The following PIWIL4 variants were observed in gnomAD, a reference collection of about 807,000 sequenced individuals.
The protein encoded by PIWIL4 is piwi-like protein 4.
Under a neutral mutation model 100.9 loss-of-function variants are expected in PIWIL4, and 50 were observed. That is an observed-to-expected ratio of 0.50 (90% CI 0.39 to 0.63). The LOEUF (loss-of-function observed/expected upper bound fraction) is 0.63, where lower values mean the gene tolerates loss of function less well. Ranked by LOEUF, PIWIL4 falls within the 20% of genes least tolerant of loss-of-function variation. The pLI, the probability that PIWIL4 is intolerant of heterozygous loss-of-function variation, is 0.00. For missense variants in PIWIL4, 887 were observed against 1,043.3 expected (o/e 0.85, Z 2.06); for synonymous variants, 342 against 367.5 (o/e 0.93, Z 0.79).
At chr11:94,581,442 A>G (rs575570567) in intron 4 of PIWIL4, among the ~76,000 whole-genome samples, 3 of 152,314 alleles carry the variant, frequency 2.0e-5, no homozygotes, top group East Asian at 1.9e-4. Flanking sequence ...AGTGAGGGCC[A>G]TATTTTAGAA....
In PIWIL4 at chr11:94,574,991, T is replaced by C. The variant is rs1948218153; in HGVS notation, c.167-8T>C. 1 of 1,610,906 alleles carries C rather than the reference T, an allele frequency of 6.2e-7. No individual in the cohort carries two copies. The highest frequency in any genetic ancestry group is 8.5e-7 in the Non-Finnish European group (1 of 1,177,656). The stretch of plus-strand genomic sequence containing the variant: ...ATTAGCTGTTACCACATTCTCTTCA[T>C]GTTTTAGATAAATATGGGATATCTT... On this transcript the variant is annotated splice_region_variant and splice_polypyrimidine_tract_variant and intron_variant, in intron 2 of 19. Transcript: ENST00000299001.
At chr11:94,583,612 C>A in intron 5 of PIWIL4, 43 bp downstream of exon 5, 1 of 1,609,506 alleles carries the variant, frequency 6.2e-7, no homozygotes, top group Non-Finnish European at 8.5e-7. Context: ...CTAATGATAC[C>A]TTTCAGCATA....
At chr11:94,602,039 A>T (rs1029498211) in intron 12 of PIWIL4, 60 bp downstream of exon 12, 89 of 1,466,886 alleles carry the variant, frequency 6.1e-5, no homozygotes, top group Non-Finnish European at 7.7e-5. Context: ...GGTAGGGAAT[A>T]ATGGCAGATG....
At chr11:94,585,370 C>A in intron 5 of PIWIL4, 75 bp from the exon 6 acceptor site, 1 of 999,030 alleles carries the variant, frequency 1.0e-6, no homozygotes, top group South Asian at 1.5e-5. Context: ...ACATTATGTT[C>A]AGTAAGGGTT....
chr11:94,567,738 G>A, intron 1 of PIWIL4, 133 bp downstream of exon 1: 4 of 1,285,872 alleles, frequency 3.1e-6, no homozygotes, highest in Non-Finnish European at 4.0e-6. Flanking sequence ...TCAAGTTTGA[G>A]TCTTTCCAAG....
At chr11:94,580,162 T>A (rs138374814) in intron 4 of PIWIL4, among the ~76,000 whole-genome samples, 150 of 152,312 alleles carry the variant, frequency 9.8e-4, no homozygotes, top group African/African-American at 3.4e-3. Context: ...CAGGCCTGTT[T>A]ATTTTATTTC....
chr11:94,589,973 G>T (rs370902294), intron 8 of PIWIL4, among the ~76,000 whole-genome samples: 1 of 152,118 alleles, frequency 6.6e-6, no homozygotes, highest in Admixed American at 6.5e-5. Flanking sequence ...AGCTCTAGCC[G>T]CATTTGCAAC....
At chr11:94,603,931 A>G in intron 12 of PIWIL4, 53 bp from the exon 13 acceptor site, 1 of 1,087,566 alleles carries the variant, frequency 9.2e-7, no homozygotes, top group Non-Finnish European at 1.4e-6. Flanking sequence ...CCATATAAGT[A>G]TGTGCTACTA....
At position 94,595,327 on chromosome 11, in the gene PIWIL4, C is replaced by T. The variant is rs770065981; in HGVS notation, c.1169C>T (p.Thr390Ile). ...CFLTGLTDQA[T>I]SDFQLMKAVA... ...TTAATAGGGCTGACTGACCAGGCAA[C>T]ATCTGATTTCCAGCTGATGAAGGCT... is the stretch of plus-strand genomic sequence containing the variant. The change falls in exon 10 of 20, where the codon ACA (threonine) becomes ATA (isoleucine). Residue 390 changes from threonine (T) to isoleucine (I), a missense_variant. Coordinates refer to ENST00000299001, the MANE Select transcript of PIWIL4 (RefSeq NM_152431.3). 9 of 1,613,786 alleles carry T rather than the reference C, an allele frequency of 5.6e-6. No individual in the cohort carries two copies. In the African/African-American group the frequency reaches 6.7e-5, roughly 12 times the overall value.
At chr11:94,585,296 T>A in intron 5 of PIWIL4, 149 bp from the exon 6 acceptor site, 1 of 526,294 alleles carries the variant, frequency 1.9e-6, no homozygotes, top group Non-Finnish European at 3.4e-6. Flanking sequence ...TTCATATGTA[T>A]ATTTAGTATC....
chr11:94,567,836 T>C lies in PIWIL4; in HGVS notation c.87+231T>C, dbSNP rs542814512. On this transcript the variant is annotated intron_variant, in intron 1 of 19. Coordinates refer to ENST00000299001, the MANE Select transcript of PIWIL4 (RefSeq NM_152431.3). The stretch of plus-strand genomic sequence containing the variant: ...ATTAGCCAGTAAAGAGGACTGAAGA[T>C]TGGGGACAAATATGTCATTCTCTTC... 135 of 1,133,922 alleles carry C rather than the reference T, an allele frequency of 1.2e-4. 1 individual carries two copies. The Admixed American group carries it at 3.1e-3, about 26-fold the overall frequency. The allele number at this position is 1,133,922 out of a possible 1,614,324, so 70.2% of individuals were successfully genotyped here.
In PIWIL4 at chr11:94,577,484, G is replaced by T; in HGVS notation, c.505G>T (p.Glu169Ter). The T allele has an allele frequency of 6.2e-7, 1 of 1,612,560 alleles. No homozygotes were observed. Among genetic ancestry groups the T allele is most frequent in the Non-Finnish European group, 8.5e-7 (1 of 1,179,172 alleles). ...GAILFLSQKL[E>*]EKVTELSSET... ...CATCCTTTTTCTGTCACAAAAGCTA[G>T]AAGAAAAGGTATAGTATGATTAGTT... Residue 169 changes from glutamate (E) to a stop codon, truncating the protein, a stop_gained, in exon 4 of 20, where the codon GAA becomes TAA. Transcript: ENST00000299001. LOFTEE classifies it high-confidence loss of function.
intron 12 of PIWIL4, among the ~76,000 whole-genome samples, chr11:94,602,392 A>G (rs1948654799): frequency 6.6e-6 from 1 of 152,212 alleles, no homozygotes; most frequent in Non-Finnish European, 1.5e-5. Context: ...TTTATGCTTT[A>G]AAATTTAATA....
intron 2 of PIWIL4, among the ~76,000 whole-genome samples, chr11:94,572,725 T>A (rs1320306998): frequency 2.6e-5 from 4 of 152,256 alleles, no homozygotes; most frequent in Non-Finnish European, 5.9e-5. Context: ...GGTAGCGTGA[T>A]GCTGCCAGCT....
chr11:94,595,439 C>T lies in PIWIL4; in HGVS notation c.1268+13C>T, dbSNP rs201373421. The T allele has an allele frequency of 2.4e-5, 39 of 1,592,234 alleles. No homozygotes were observed. The African/African-American group carries it at 3.1e-4, about 13-fold the overall frequency. ...ACAACATCCAGAGGTACTGGATCAC[C>T]GCATGCATCCTTCCTGGGGCTGAGT... On this transcript the variant is annotated intron_variant, in intron 10 of 19. Coordinates refer to ENST00000299001, the MANE Select transcript of PIWIL4 (RefSeq NM_152431.3).
intron 2 of PIWIL4, among the ~76,000 whole-genome samples, chr11:94,571,905 G>A (rs1948159656): frequency 6.6e-6 from 1 of 152,230 alleles, no homozygotes; most frequent in Non-Finnish European, 1.5e-5. Flanking sequence ...CCCACCAACA[G>A]TGTAAAAGTG....
chr11:94,573,862 C>G (rs1209744278), intron 2 of PIWIL4, among the ~76,000 whole-genome samples: 1 of 152,026 alleles, frequency 6.6e-6, no homozygotes, highest in African/African-American at 2.4e-5. Context: ...AACTTTAGAT[C>G]TTTTTTCACT....
At chr11:94,595,283 A>C (rs1437076203) in intron 9 of PIWIL4, 26 bp from the exon 10 acceptor site, 1 of 1,597,790 alleles carries the variant, frequency 6.3e-7, no homozygotes, top group Admixed American at 1.7e-5. Context: ...TCATTTTCTC[A>C]CTTTGTCTTC....
chr11:94,603,927 A>T (rs2135286653), intron 12 of PIWIL4, 57 bp from the exon 13 acceptor site: 2 of 1,042,676 alleles, frequency 1.9e-6, no homozygotes, highest in East Asian at 4.8e-5. Flanking sequence ...AATGCCATAT[A>T]AGTATGTGCT....
Sources: allele counts gnomAD v4.1 joint callset (sites outside exome capture counted in the v4.1 genomes callset), GRCh38; gene constraint gnomAD v4.1.1; transcripts MANE v1.5; gene names NCBI Gene and HGNC (gene_info 2026-07-23, HGNC 2026-07-21).